GET3: variants seen among roughly 807,000 people sequenced by gnomAD.
GET3 encodes the protein ATPase GET3.
GET3 carries 15 observed loss-of-function variants against 32.4 expected under a neutral mutation model. The observed-to-expected ratio is 0.46, with a 90% CI of 0.31 to 0.71. The LOEUF (loss-of-function observed/expected upper bound fraction) is 0.71, where lower values mean the gene tolerates loss of function less well. GET3 is among the 30% of genes least tolerant of loss of function. The pLI is 0.05. For missense variants in GET3, 333 were observed against 459.0 expected, an observed-to-expected ratio of 0.73 and a Z score of 2.51; for synonymous variants, 198 against 185.6, an observed-to-expected ratio of 1.07 and a Z score of -0.54.
Position 12,738,392 on chromosome 19 carries a change from C to T in GET3, c.162-119C>T, listed in dbSNP as rs1451069685. On this transcript the variant is annotated intron_variant, in intron 1 of 6. Coordinates refer to ENST00000357332, the MANE Select transcript of GET3 (RefSeq NM_004317.4). ...CAATCCCACCATAACCCATACTCTC[C>T]TCTCAAGGCCCCTGCTGATTCGGGT... The T allele has an allele frequency of 8.5e-6, 11 of 1,289,834 alleles. No individual in the cohort carries two copies. The East Asian group carries it at 1.9e-4, about 22-fold the overall frequency. 79.9% of individuals were successfully genotyped at this position (1,289,834 alleles called of 1,614,324 possible).
chr19:12,738,683 C>G, intron 2 of GET3, 25 bp downstream of exon 2: 1 of 1,613,842 alleles, frequency 6.2e-7, no homozygotes, highest in South Asian at 1.1e-5. Context: ...GCTTAGCCCC[C>G]ACTTCTGGGA....
At chr19:12,741,753 C>T (rs1360822155) in intron 2 of GET3, among the ~76,000 whole-genome samples, 1 of 149,550 alleles carries the variant, frequency 6.7e-6, no homozygotes, top group African/African-American at 2.5e-5. Flanking sequence ...AGCGACACTC[C>T]ATCTCAAAAA....
At chr19:12,738,989 A>G (rs1054337851) in intron 2 of GET3, among the ~76,000 whole-genome samples, 4 of 152,192 alleles carry the variant, frequency 2.6e-5, no homozygotes, top group South Asian at 2.1e-4. Context: ...AAGCAGGGCA[A>G]TGTCGTGGCC....
chr19:12,739,684 T>C (rs895597778), intron 2 of GET3, among the ~76,000 whole-genome samples: 1 of 152,182 alleles, frequency 6.6e-6, no homozygotes, highest in Non-Finnish European at 1.5e-5. Context: ...AGCTTGTTTA[T>C]GTGAGTCTGG....
intron 4 of GET3, among the ~76,000 whole-genome samples, chr19:12,746,385 G>A (rs1472760773): frequency 2.0e-5 from 3 of 152,058 alleles, no homozygotes; most frequent in South Asian, 2.1e-4. Context: ...CACCCACTTC[G>A]ACCTCCCAGA....
At chr19:12,737,426 C>T, upstream of GET3, 3 of 1,357,732 alleles carry the variant, frequency 2.2e-6, no homozygotes, top group Non-Finnish European at 2.9e-6. Flanking sequence ...CTCCTAGCTT[C>T]GCTAGGAATG....
intron 2 of GET3, among the ~76,000 whole-genome samples, chr19:12,740,670 C>T (rs933480339): frequency 6.6e-6 from 1 of 152,048 alleles, no homozygotes; most frequent in African/African-American, 2.4e-5. Flanking sequence ...GAGCGAGACT[C>T]AACAAAAAAT....
In GET3 at chr19:12,739,058, G is replaced by C. The variant is rs1019872340; in HGVS notation, c.309+400G>C. ...AGGTGGAGATTTAATTGTCAGTCAGGGTAGAAGCAGGGAAACTAACAAGGA... is the reference window on the plus strand; with the variant it reads ...AGGTGGAGATTTAATTGTCAGTCAGCGTAGAAGCAGGGAAACTAACAAGGA... On this transcript the variant is annotated intron_variant, in intron 2 of 6. Coordinates refer to ENST00000357332, the MANE Select transcript of GET3 (RefSeq NM_004317.4). 9.2e-5 allele frequency among the ~76,000 whole-genome samples: 14 copies of C among 152,302 alleles called. No homozygotes were observed. The South Asian group carries it at 1.7e-3, about 18-fold the overall frequency.
chr19:12,746,551 G>C (rs1315995667), intron 4 of GET3, among the ~76,000 whole-genome samples: 1 of 152,216 alleles, frequency 6.6e-6, no homozygotes, highest in Non-Finnish European at 1.5e-5. Flanking sequence ...GTGGGGACCT[G>C]TGCCTCAGGT....
At chr19:12,746,531 C>T (rs974113851) in intron 4 of GET3, among the ~76,000 whole-genome samples, 2 of 152,242 alleles carry the variant, frequency 1.3e-5, no homozygotes, top group African/African-American at 2.4e-5. Flanking sequence ...TGGGTGTGTG[C>T]GTGTCCCCTG....
At chr19:12,737,761 T>TG in intron 1 of GET3, 95 bp downstream of exon 1, 3 of 1,458,736 alleles carry the variant, frequency 2.1e-6, no homozygotes, top group Non-Finnish European at 1.8e-6. Context: ...GACCGGGGCA[T>TG]GGGGGCTGGC....
rs902975853 is a variant in GET3, at chr19:12,747,440, C to T, written c.763C>T (p.Leu255=). 3 of 1,613,970 alleles carry T rather than the reference C, an allele frequency of 1.9e-6. No individual in the cohort carries two copies. The highest frequency in any genetic ancestry group is 2.2e-5 in the East Asian group (1 of 44,890). Residue 255 remains leucine, a synonymous_variant, in exon 6 of 7, where the codon CTG becomes TTG. Transcript: ENST00000357332. The surrounding 1 kb of genome is among the most constrained non-coding windows in gnomAD (Gnocchi z 4.0). ...CGTATGCATTGCTGAGTTCCTGTCC[C>T]TGTATGAGACAGAGAGGCTGATCCA... The part of the protein sequence containing the change: ...ICVCIAEFLS[L]YETERLIQEL...
At chr19:12,742,047 G>A (rs776848527) in intron 2 of GET3, among the ~76,000 whole-genome samples, 19 of 151,872 alleles carry the variant, frequency 1.3e-4, no homozygotes, top group South Asian at 2.1e-4. Flanking sequence ...AGAGGATCAC[G>A]TGAGGTCAGG....
At chr19:12,738,347 C>T (rs1387279873) in intron 1 of GET3, among the ~76,000 whole-genome samples, 164 bp from the exon 2 acceptor site, 2 of 152,060 alleles carry the variant, frequency 1.3e-5, no homozygotes, top group African/African-American at 4.8e-5. Flanking sequence ...AGAGAGGGTT[C>T]CTTTGTAGGG....
intron 2 of GET3, among the ~76,000 whole-genome samples, chr19:12,739,969 C>G (rs1188583595): frequency 1.3e-5 from 2 of 151,756 alleles, no homozygotes; most frequent in African/African-American, 4.8e-5. Flanking sequence ...TCGCTAGAAC[C>G]CAGGAAGCAG....
rs1967811867 is a variant in GET3 at position 12,748,206 on chromosome 19, G to T, written c.*102G>T. ...CAAAGTCCCCCCCATAATACAGGGG[G>T]AGCCACTTGGGCAGGAGGCAGGGAG... On this transcript the variant is annotated 3_prime_UTR_variant, in exon 7 of 7. Coordinates refer to ENST00000357332, the MANE Select transcript of GET3 (RefSeq NM_004317.4). 5 of 1,169,084 alleles carry T rather than the reference G, an allele frequency of 4.3e-6. No homozygotes were observed. In the South Asian group the frequency reaches 5.8e-5, roughly 14 times the overall value. 72.4% of individuals were successfully genotyped at this position (1,169,084 alleles called of 1,614,324 possible).
At chr19:12,746,398 G>T (rs1387624070) in intron 4 of GET3, among the ~76,000 whole-genome samples, 1 of 152,140 alleles carries the variant, frequency 6.6e-6, no homozygotes, top group East Asian at 1.9e-4. Context: ...CTCCCAGAGT[G>T]CTGGGATTAC....
chr19:12,737,525 G>C lies in GET3; in HGVS notation c.20G>C (p.Gly7Ala). The change falls in exon 1 of 7, where the codon GGG becomes GCG. Residue 7 changes from glycine to alanine, a missense_variant. Physicochemically the swap from Gly to Ala is moderately conservative, Grantham distance 60. Transcript: ENST00000357332. ...TCCAAAATGGCGGCAGGGGTGGCCGGGTGGGGGGTTGAGGCAGAGGAGTTC... is the reference window on the plus strand; with the variant it reads ...TCCAAAATGGCGGCAGGGGTGGCCGCGTGGGGGGTTGAGGCAGAGGAGTTC... MAAGVAGWGVEAEEFED... is the reference protein window; with the variant it reads MAAGVAAWGVEAEEFED... 6.4e-7 allele frequency: 1 copy of C among 1,570,832 alleles called. No individual in the cohort carries two copies. Among genetic ancestry groups the C allele is most frequent in the Non-Finnish European group, 8.6e-7 (1 of 1,160,106 alleles).
At chr19:12,738,193 G>C (rs1393075207) in intron 1 of GET3, among the ~76,000 whole-genome samples, 1 of 152,122 alleles carries the variant, frequency 6.6e-6, no homozygotes, top group East Asian at 1.9e-4. Context: ...TATTAAGGAA[G>C]GGGGCACGGA....
Sources: allele counts gnomAD v4.1 joint callset (sites outside exome capture counted in the v4.1 genomes callset), GRCh38; gene constraint gnomAD v4.1.1; non-coding constraint Gnocchi (gnomAD v3.1); transcripts MANE v1.5; gene names NCBI Gene and HGNC (gene_info 2026-07-23, HGNC 2026-07-21).